SCYL2: variants seen among roughly 807,000 people sequenced by gnomAD.
SCYL2 encodes the protein SCY1 like pseudokinase 2.
SCYL2 carries 36 observed loss-of-function variants against 100.4 expected under a neutral mutation model. The observed-to-expected ratio is 0.36, with a 90% confidence interval of 0.27 to 0.47. SCYL2 has a LOEUF of 0.47. Ranked by LOEUF, SCYL2 falls within the 20% of genes least tolerant of loss-of-function variation. SCYL2 has a pLI of 1.00. For synonymous variants in SCYL2, 330 were observed against 359.2 expected (o/e 0.92, Z 0.92); for missense variants, 902 against 1,083.9 (o/e 0.83, Z 2.36).
Position 100,283,576 on chromosome 12 carries a change from G to A in SCYL2, c.177+429G>A, listed in dbSNP as rs1232010513. Among the ~76,000 whole-genome samples the A allele has an allele frequency of 2.6e-5, 4 of 152,126 alleles. No individual in the cohort carries two copies. In the East Asian group the frequency reaches 7.7e-4, roughly 29 times the overall value. On this transcript the variant is annotated intron_variant, in intron 2 of 17. Transcript: ENST00000360820. Reference sequence around the variant, plus strand: ...TGCGTCTTAGTGCAGTCAGTGCTGGGATTACAGCGTGAGCCACCGTGCCCG... The same window carrying A: ...TGCGTCTTAGTGCAGTCAGTGCTGGAATTACAGCGTGAGCCACCGTGCCCG...
chr12:100,312,579 T>G lies in SCYL2; in HGVS notation c.778T>G (p.Phe260Val). 6.2e-7 allele frequency: 1 copy of G among 1,613,244 alleles called. No homozygotes were observed. ...TTTAGGAACTGTTATGTATGCTGTA[T>G]TTAATAAAGGGAAACCTATATTTGA... ...YSLGTVMYAV[F>V]NKGKPIFEVN... Residue 260 changes from phenylalanine to valine, a missense_variant, in exon 6 of 18, where the codon TTT (phenylalanine) becomes GTT (valine). Transcript: ENST00000360820.
Position 100,337,497 on chromosome 12 carries a change from T to C in SCYL2, c.2136T>C (p.Thr712=). The C allele has an allele frequency of 1.2e-6, 2 of 1,613,538 alleles. No homozygotes were observed. Among genetic ancestry groups the C allele is most frequent in the Non-Finnish European group, 1.7e-6 (2 of 1,179,504 alleles). The part of the protein sequence containing the change: ...LKPQVHTPVA[T]VKQTKDLTDT... Reference sequence around the variant, plus strand: ...CCCAAGTGCACACACCTGTTGCTACTGTTAAACAGGTCAGAGTTCATTTCT... The same window carrying C: ...CCCAAGTGCACACACCTGTTGCTACCGTTAAACAGGTCAGAGTTCATTTCT... Residue 712 remains threonine, a synonymous_variant, in exon 17 of 18, where the codon ACT becomes ACC. Transcript: ENST00000360820.
At chr12:100,287,272 T>TTTG (rs553036903) in intron 2 of SCYL2, among the ~76,000 whole-genome samples, 100 of 152,082 alleles carry the variant, frequency 6.6e-4, no homozygotes, top group East Asian at 2.3e-3. Context: ...TTCTTTGGTT[T>TTTG]TTGTTGTTGT....
Position 100,338,668 on chromosome 12 carries a change from T to C in SCYL2, c.2286T>C (p.Thr762=), listed in dbSNP as rs1301890737. The change falls in exon 18 of 18, where the codon ACT becomes ACC. Residue 762 remains threonine (T), a synonymous_variant. Coordinates refer to ENST00000360820, the MANE Select transcript of SCYL2 (RefSeq NM_017988.6). ...MGIGMMFSTP[T]DNTKRNLTNG... is the part of the protein sequence containing the mutation. ...TTGGTATGATGTTTTCTACACCAAC[T>C]GATAATACAAAGAGAAATTTGACAA... The C allele has an allele frequency of 1.2e-6, 2 of 1,613,978 alleles. No individual in the cohort carries two copies. The highest frequency in any genetic ancestry group is 1.7e-6 in the Non-Finnish European group (2 of 1,180,006).
chr12:100,321,713 T>G (rs907348100), intron 10 of SCYL2, among the ~76,000 whole-genome samples: 1 of 152,156 alleles, frequency 6.6e-6, no homozygotes, highest in Non-Finnish European at 1.5e-5. Context: ...TAGTCTTTTT[T>G]CCTAAACCTA....
chr12:100,331,487 G>A (rs1952207872), intron 13 of SCYL2, among the ~76,000 whole-genome samples: 1 of 152,026 alleles, frequency 6.6e-6, no homozygotes, highest in Non-Finnish European at 1.5e-5. Context: ...TGCGCCTGTA[G>A]TCCCAGCTAC....
intron 1 of SCYL2, among the ~76,000 whole-genome samples, chr12:100,282,394 T>C (rs150390409): frequency 0.082 from 10,506 of 128,744 alleles, 1,437 homozygotes; most frequent in African/African-American, 0.22. Flanking sequence ...GGCGCAATCC[T>C]GGCTCACTGC....
At chr12:100,270,861 C>T (rs543677439) in intron 1 of SCYL2, among the ~76,000 whole-genome samples, 1 of 151,322 alleles carries the variant, frequency 6.6e-6, no homozygotes, top group South Asian at 2.1e-4. Context: ...TCTTGTTTCT[C>T]CCCCTGCATT....
At chr12:100,329,387 T>A in intron 13 of SCYL2, 68 bp downstream of exon 13, 1 of 715,792 alleles carries the variant, frequency 1.4e-6, no homozygotes. Flanking sequence ...GATATATAAA[T>A]ATATTACAAA....
intron 10 of SCYL2, among the ~76,000 whole-genome samples, chr12:100,320,577 TAAATAAATAAATAAATA>T (rs2096354622): frequency 6.7e-6 from 1 of 148,544 alleles, no homozygotes; most frequent in Non-Finnish European, 1.5e-5. Context: ...AATAAATAAA[TAAATAAATAAATAAATA>T]AAGTTCCTCA....
chr12:100,336,998 ATGT>A (rs1204218484), intron 16 of SCYL2, among the ~76,000 whole-genome samples: 2 of 152,166 alleles, frequency 1.3e-5, no homozygotes, highest in Non-Finnish European at 1.5e-5. Context: ...AGAACTGCTA[ATGT>A]TGTTTCATTC....
intron 2 of SCYL2, among the ~76,000 whole-genome samples, chr12:100,289,844 A>G (rs2096308558): frequency 6.6e-6 from 1 of 152,046 alleles, no homozygotes; most frequent in Non-Finnish European, 1.5e-5. Context: ...ATATCACATC[A>G]TTTTGTTTAG....
chr12:100,296,779 A>G (rs1445552232), intron 3 of SCYL2: 1 of 152,098 alleles, frequency 6.6e-6, no homozygotes, highest in Non-Finnish European at 1.5e-5. Context: ...CAACAAAAGC[A>G]TGCCTTATGG....
chr12:100,337,256 A>G lies in SCYL2; in HGVS notation c.2026-131A>G, dbSNP rs79743208. On this transcript the variant is annotated intron_variant, in intron 16 of 17. Transcript: ENST00000360820. ...AATTTGAAATACAGCTTACTGTGACAATCACCAAGACAAGAGTAGTTTGCT... is the reference window on the plus strand; with the variant it reads ...AATTTGAAATACAGCTTACTGTGACGATCACCAAGACAAGAGTAGTTTGCT... The G allele has an allele frequency of 3.6e-3, 4,031 of 1,112,900 alleles. 101 individuals are homozygous for G. The African/African-American group carries it at 0.056, about 15-fold the overall frequency. The allele number at this position is 1,112,900 out of a possible 1,614,324, so 68.9% of individuals were successfully genotyped here. A position where few individuals can be genotyped will look rare whatever the true frequency, so the allele number is the denominator to read the frequency against.
intron 7 of SCYL2, 44 bp from the exon 8 acceptor site, chr12:100,314,445 T>C (rs1441717043): frequency 3.5e-6 from 5 of 1,439,294 alleles, no homozygotes; most frequent in Admixed American, 4.0e-5. Flanking sequence ...AGAAGTACTT[T>C]CAATTTAACA....
chr12:100,271,975 T>C (rs1248360541), intron 1 of SCYL2, among the ~76,000 whole-genome samples: 2 of 152,198 alleles, frequency 1.3e-5, no homozygotes, highest in Non-Finnish European at 2.9e-5. Flanking sequence ...AGCTACCTGC[T>C]GTCAGATGCT....
chr12:100,294,432 G>C, intron 3 of SCYL2, among the ~76,000 whole-genome samples: 1 of 94,278 alleles, frequency 1.1e-5, no homozygotes, highest in East Asian at 3.3e-4. Context: ...GGGCGGGGGG[G>C]CTCCTCACTT....
At chr12:100,302,244 A>G (rs1466956342) in intron 4 of SCYL2, among the ~76,000 whole-genome samples, 2 of 151,754 alleles carry the variant, frequency 1.3e-5, no homozygotes, top group Admixed American at 1.3e-4. Context: ...TGGTGCAAGC[A>G]CTCCCTTATC....
At chr12:100,302,316 T>C (rs2096328771) in intron 4 of SCYL2, among the ~76,000 whole-genome samples, 1 of 152,196 alleles carries the variant, frequency 6.6e-6, no homozygotes, top group African/African-American at 2.4e-5. Context: ...CAGTTGACTC[T>C]AAGCCCAGCC....
Sources: gnomAD v4.1 joint callset for allele counts (sites outside exome capture counted in the v4.1 genomes callset) on GRCh38, gnomAD v4.1.1 for gene constraint, MANE v1.5 for transcripts, NCBI Gene and HGNC (gene_info 2026-07-23, HGNC 2026-07-21) for gene names.